The following CSMD1 variants were observed in gnomAD, a reference collection of about 807,000 sequenced individuals.
CSMD1 encodes CUB and Sushi multiple domains 1.
Under a neutral mutation model 417.5 loss-of-function variants are expected in CSMD1, and 213 were observed. That is an observed-to-expected ratio of 0.51 (90% CI 0.46 to 0.57). The LOEUF is 0.57. Ranked by LOEUF, CSMD1 falls within the 20% of genes least tolerant of loss-of-function variation. CSMD1 has a pLI of 0.00. For synonymous variants in CSMD1, 2,862 were observed against 1,736.8 expected (o/e 1.65, Z -16.11); for missense variants, 6,923 against 4,529.7 (o/e 1.53, Z -15.17).
At chr8:3,335,120 G>C (rs1043993971) in intron 23 of CSMD1, among the ~76,000 whole-genome samples, 1 of 152,146 alleles carries the variant, frequency 6.6e-6, no homozygotes, top group Non-Finnish European at 1.5e-5. Context: ...GGTGCCTGCA[G>C]TCAATGGTGG....
intron 1 of CSMD1, among the ~76,000 whole-genome samples, chr8:4,967,334 G>T (rs181290455): frequency 6.6e-6 from 1 of 152,146 alleles, no homozygotes; most frequent in African/African-American, 2.4e-5. Flanking sequence ...TTAGTTTTAA[G>T]ATATCCAAGT....
intron 23 of CSMD1, among the ~76,000 whole-genome samples, chr8:3,311,412 G>T (rs562837348): frequency 6.6e-6 from 1 of 152,116 alleles, no homozygotes; most frequent in East Asian, 1.9e-4. Context: ...ATCACACCCA[G>T]CTAATTTTTG....
At chr8:4,288,160 A>C (rs1439663781) in intron 3 of CSMD1, among the ~76,000 whole-genome samples, 1 of 152,164 alleles carries the variant, frequency 6.6e-6, no homozygotes, top group Non-Finnish European at 1.5e-5. Context: ...AAAAGAAAAC[A>C]CTAGAGAGTA....
chr8:4,182,846 G>C (rs547838066), intron 3 of CSMD1, among the ~76,000 whole-genome samples: 5 of 152,260 alleles, frequency 3.3e-5, no homozygotes, highest in Admixed American at 2.0e-4. Flanking sequence ...TAATTATTGA[G>C]ACAGAAATTA....
intron 7 of CSMD1, among the ~76,000 whole-genome samples, chr8:3,690,990 G>A (rs756753410): frequency 2.0e-5 from 3 of 152,050 alleles, no homozygotes. Flanking sequence ...TGTGAGGGTG[G>A]GGAGTGCTGA....
At position 3,946,155 on chromosome 8, in the gene CSMD1, C is replaced by G. The variant is rs571242756; in HGVS notation, c.818+51748G>C. Among the ~76,000 whole-genome samples the G allele has an allele frequency of 2.0e-5, 3 of 152,112 alleles. No individual in the cohort carries two copies. The South Asian group carries it at 6.2e-4, about 32-fold the overall frequency. ...ATGATCTCACATAATCCCAATGCACCCTTTGAAATAAGATTATTACAAAGA... is the reference window on the plus strand; with the variant it reads ...ATGATCTCACATAATCCCAATGCACGCTTTGAAATAAGATTATTACAAAGA... On this transcript the variant is annotated intron_variant, in intron 5 of 69. Coordinates refer to ENST00000635120, the MANE Select transcript of CSMD1 (RefSeq NM_033225.6).
At chr8:4,722,452 A>G (rs1809120690) in intron 1 of CSMD1, among the ~76,000 whole-genome samples, 1 of 152,144 alleles carries the variant, frequency 6.6e-6, no homozygotes, top group Admixed American at 6.6e-5. Flanking sequence ...GTGAAAATGC[A>G]TTTTGTACTG....
intron 1 of CSMD1, among the ~76,000 whole-genome samples, chr8:4,755,383 T>C (rs1811602630): frequency 6.6e-6 from 1 of 152,242 alleles, no homozygotes; most frequent in African/African-American, 2.4e-5. Context: ...TTCAAAGTGC[T>C]GCTTTCTCCT....
intron 3 of CSMD1, among the ~76,000 whole-genome samples, chr8:4,328,580 A>G (rs1392463262): frequency 4.6e-5 from 7 of 151,906 alleles, no homozygotes; most frequent in Admixed American, 1.3e-4. Flanking sequence ...TAAAAAAATG[A>G]AAAAAAATTA....
Position 3,171,629 on chromosome 8 carries a change from C to T in CSMD1, c.5726-9352G>A, listed in dbSNP as rs1246975211. Among the ~76,000 whole-genome samples, 6 of 152,162 alleles carry T rather than the reference C, an allele frequency of 3.9e-5. No homozygotes were observed. In the East Asian group the frequency reaches 9.7e-4, roughly 25 times the overall value. On this transcript the variant is annotated intron_variant, in intron 37 of 69. Coordinates refer to ENST00000635120, the MANE Select transcript of CSMD1 (RefSeq NM_033225.6). ...AGAGAATTCTTTCAAGTTTTAACAT[C>T]CAAGACATAAATTTGGTAGAAAAAC... is the stretch of plus-strand genomic sequence containing the variant.
chr8:4,963,704 T>C (rs1428480557), intron 1 of CSMD1, among the ~76,000 whole-genome samples: 1 of 152,186 alleles, frequency 6.6e-6, no homozygotes, highest in Non-Finnish European at 1.5e-5. Flanking sequence ...GTCTAAAAGC[T>C]CTTCTTTGAC....
In CSMD1 at chr8:3,273,408, C is replaced by G. The variant is rs558630266; in HGVS notation, c.4153+10736G>C. 4.6e-5 allele frequency among the ~76,000 whole-genome samples: 7 copies of G among 152,166 alleles called. No homozygotes were observed. The South Asian group carries it at 6.2e-4, about 14-fold the overall frequency. On this transcript the variant is annotated intron_variant, in intron 26 of 69. Transcript: ENST00000635120. ...CTAAAATTCTCTTTTTTGGTTGTGT[C>G]TCTGCCAGGCTTTGGTATCAGGATG...
chr8:3,712,780 G>C (rs1015671908), intron 6 of CSMD1, among the ~76,000 whole-genome samples: 4 of 152,082 alleles, frequency 2.6e-5, no homozygotes, highest in Non-Finnish European at 5.9e-5. Context: ...GTGTCTGTTG[G>C]GTAAGGTGAT....
rs190776261 is a variant in CSMD1 at position 4,434,312 on chromosome 8, G to C, written c.303-14247C>G. On this transcript the variant is annotated intron_variant, in intron 2 of 69. Transcript: ENST00000635120. Reference sequence around the variant, plus strand: ...ACCTTGGAGATGGAGGTTGCAGTGAGCTGAGATTGCACCATTACACTCCAG... The same window carrying C: ...ACCTTGGAGATGGAGGTTGCAGTGACCTGAGATTGCACCATTACACTCCAG... 2.0e-5 allele frequency among the ~76,000 whole-genome samples: 3 copies of C among 152,308 alleles called. No homozygotes were observed. The East Asian group carries it at 5.8e-4, about 29-fold the overall frequency.
At chr8:4,325,723 T>C (rs749519868) in intron 3 of CSMD1, among the ~76,000 whole-genome samples, 9 of 152,204 alleles carry the variant, frequency 5.9e-5, no homozygotes, top group African/African-American at 2.2e-4. Flanking sequence ...ATAGATGGAA[T>C]CCAACACTGA....
At chr8:4,462,175 A>T (rs536199158) in intron 2 of CSMD1, among the ~76,000 whole-genome samples, 1 of 152,278 alleles carries the variant, frequency 6.6e-6, no homozygotes, top group East Asian at 1.9e-4. Flanking sequence ...ACACTCAGCC[A>T]CAAAAAGCAA....
intron 1 of CSMD1, among the ~76,000 whole-genome samples, chr8:4,665,196 G>C (rs1652620458): frequency 6.6e-6 from 1 of 151,922 alleles, no homozygotes; most frequent in African/African-American, 2.4e-5. Flanking sequence ...CCAAACCCTG[G>C]CGGCTTCTTT....
At chr8:4,834,871 G>C (rs141638146) in intron 1 of CSMD1, among the ~76,000 whole-genome samples, 4,876 of 145,610 alleles carry the variant, frequency 0.033, 123 homozygotes, top group Middle Eastern at 0.058. Flanking sequence ...GCAGGAGAAA[G>C]GCGGAAACCC....
intron 3 of CSMD1, among the ~76,000 whole-genome samples, chr8:4,153,491 G>C (rs1007271592): frequency 6.6e-6 from 1 of 152,196 alleles, no homozygotes; most frequent in African/African-American, 2.4e-5. Context: ...CAGTCTTTCT[G>C]ACATTTCTGC....
Sources: gnomAD v4.1 joint callset for allele counts (sites outside exome capture counted in the v4.1 genomes callset) on GRCh38, gnomAD v4.1.1 for gene constraint, MANE v1.5 for transcripts, NCBI Gene and HGNC (gene_info 2026-07-23, HGNC 2026-07-21) for gene names.